The following GM2A variants were observed in gnomAD, a reference collection of about 807,000 sequenced individuals.
GM2A encodes the protein ganglioside GM2 activator, also known as GM2 ganglioside activator.
GM2A carries 7 observed loss-of-function variants against 12.9 expected under a neutral mutation model. The ratio of observed to expected loss-of-function variants is 0.54; its 90% confidence interval spans 0.31 to 1.02. The LOEUF is 1.02. GM2A is among the 50% of genes least tolerant of loss of function. GM2A has a pLI of 0.05. For missense variants in GM2A, 246 were observed against 241.0 expected, an observed-to-expected ratio of 1.02 and a Z score of -0.14; for synonymous variants, 101 against 96.0, an observed-to-expected ratio of 1.05 and a Z score of -0.30.
At position 151,268,763 on chromosome 5, in the gene GM2A, G is replaced by A. The variant is rs541345989; in HGVS notation, c.*1312G>A. On this transcript the variant is annotated 3_prime_UTR_variant, in exon 4 of 4. Transcript: ENST00000357164. ...GAAATCTTACCATTTTAAAAGATTG[G>A]CAGCTAATTATTTTTTTAAAAAGCT... is the stretch of plus-strand genomic sequence containing the variant. 26 of 662,954 alleles carry A rather than the reference G, an allele frequency of 3.9e-5. No individual in the cohort carries two copies. Among genetic ancestry groups the A allele is most frequent in the Admixed American group, 6.3e-5 (1 of 15,856 alleles). 41.1% of individuals were successfully genotyped at this position (662,954 alleles called of 1,614,324 possible).
rs748208365 is a variant in GM2A at position 151,268,030 on chromosome 5, C to A, written c.*579C>A. On this transcript the variant is annotated 3_prime_UTR_variant, in exon 4 of 4. Transcript: ENST00000357164. ...GAGGTAGGGTGTGTGGGGGAGGAAT[C>A]CCTTGGGGGAGATATTAGGAGTGCT... 3.8e-6 allele frequency: 4 copies of A among 1,040,848 alleles called. No homozygotes were observed. Among genetic ancestry groups the A allele is most frequent in the Middle Eastern group, 4.7e-4 (1 of 2,114 alleles). 64.5% of individuals were successfully genotyped at this position (1,040,848 alleles called of 1,614,324 possible).
At position 151,268,681 on chromosome 5, in the gene GM2A, C is replaced by CA. The variant is rs397883774; in HGVS notation, c.*1239dup. ...CTGGTGACAGAGTGAGACTCTGTCT[C>CA]AAAAAAAAAGTTTCAATGTTTACTC... On this transcript the variant is annotated 3_prime_UTR_variant, in exon 4 of 4. Transcript: ENST00000357164. 0.31 allele frequency: 166,125 copies of CA among 529,060 alleles called. 25,571 individuals carry two copies. Among genetic ancestry groups the CA allele is most frequent in the African/African-American group, 0.48 (23,003 of 47,604 alleles). The allele number at this position is 529,060 out of a possible 1,614,324, so 32.8% of individuals were successfully genotyped here. A position where few individuals can be genotyped will look rare whatever the true frequency, so the allele number is the denominator to read the frequency against.
chr5:151,268,780 T>A lies in GM2A; in HGVS notation c.*1329T>A, dbSNP rs962740601. ...AAAGATTGGCAGCTAATTATTTTTT[T>A]AAAAAGCTGTGCAGTGTGATGTGTC... On this transcript the variant is annotated 3_prime_UTR_variant, in exon 4 of 4. Transcript: ENST00000357164. The A allele has an allele frequency of 6.7e-6, 5 of 740,802 alleles. No individual in the cohort carries two copies. The highest frequency in any genetic ancestry group is 4.9e-6 in the Non-Finnish European group (3 of 606,950). 45.9% of individuals were successfully genotyped at this position (740,802 alleles called of 1,614,324 possible). A position where few individuals can be genotyped will look rare whatever the true frequency, so the allele number is the denominator to read the frequency against.
intron 1 of GM2A, 85 bp from the exon 2 acceptor site, chr5:151,259,670 G>C: frequency 1.5e-6 from 2 of 1,318,140 alleles, no homozygotes; most frequent in Non-Finnish European, 2.2e-6. Flanking sequence ...CACTCTGCCA[G>C]GAGCTCATTT....
In GM2A at chr5:151,270,290, T is replaced by C. The variant is rs769315888; in HGVS notation, c.*2839T>C. 38 of 412,478 alleles carry C rather than the reference T, an allele frequency of 9.2e-5. No individual in the cohort carries two copies. The highest frequency in any genetic ancestry group is 1.5e-4 in the Non-Finnish European group (36 of 238,918). The allele number at this position is 412,478 out of a possible 1,614,324, so 25.6% of individuals were successfully genotyped here. A position where few individuals can be genotyped will look rare whatever the true frequency, so the allele number is the denominator to read the frequency against. On this transcript the variant is annotated 3_prime_UTR_variant, in exon 4 of 4. Transcript: ENST00000357164. ...ATCCAAATGTAAGAAAATGAAGCCA[T>C]ATAAATACAGAAGGAAACGTGGTGG... is the stretch of plus-strand genomic sequence containing the variant.
Position 151,268,178 on chromosome 5 carries a change from A to G in GM2A, c.*727A>G. On this transcript the variant is annotated 3_prime_UTR_variant, in exon 4 of 4. Transcript: ENST00000357164. Reference sequence around the variant, plus strand: ...ATTTTTCGCTTTTTTTTTTTTTGAGACAGAATCTCACTTTGTCACCAGGCT... The same window carrying G: ...ATTTTTCGCTTTTTTTTTTTTTGAGGCAGAATCTCACTTTGTCACCAGGCT... 1 of 813,552 alleles carries G rather than the reference A, an allele frequency of 1.2e-6. No homozygotes were observed. The highest frequency in any genetic ancestry group is 1.5e-6 in the Non-Finnish European group (1 of 682,316). The allele number at this position is 813,552 out of a possible 1,614,324, so 50.4% of individuals were successfully genotyped here. A position where few individuals can be genotyped will look rare whatever the true frequency, so the allele number is the denominator to read the frequency against.
chr5:151,266,938 G>T, intron 3 of GM2A, 25 bp downstream of exon 3: 2 of 1,568,764 alleles, frequency 1.3e-6, no homozygotes. Context: ...AGGAGAGAGC[G>T]TTACCCCTGT....
intron 2 of GM2A, among the ~76,000 whole-genome samples, chr5:151,260,715 T>G (rs963163127): frequency 6.6e-6 from 1 of 152,204 alleles, no homozygotes; most frequent in Non-Finnish European, 1.5e-5. Context: ...CTTTGCAACT[T>G]TCCCCCATAC....
chr5:151,268,669 G>T lies in GM2A; in HGVS notation c.*1218G>T. On this transcript the variant is annotated 3_prime_UTR_variant, in exon 4 of 4. Transcript: ENST00000357164. ...CAATACTCCAGCCTGGTGACAGAGT[G>T]AGACTCTGTCTCAAAAAAAAAGTTT... The T allele has an allele frequency of 4.8e-6, 3 of 620,172 alleles. No individual in the cohort carries two copies. The highest frequency in any genetic ancestry group is 6.0e-6 in the Non-Finnish European group (3 of 503,624). 38.4% of individuals were successfully genotyped at this position (620,172 alleles called of 1,614,324 possible). A position where few individuals can be genotyped will look rare whatever the true frequency, so the allele number is the denominator to read the frequency against.
At position 151,266,607 on chromosome 5, in the gene GM2A, C is replaced by T. The variant is rs187841338; in HGVS notation, c.244-124C>T. ...GAACAGACTATCTCTAAGATCTCAT[C>T]CAGTTAAAAATTCTATGATTAAAAT... is the stretch of plus-strand genomic sequence containing the variant. On this transcript the variant is annotated intron_variant, in intron 2 of 3. Coordinates refer to ENST00000357164, the MANE Select transcript of GM2A (RefSeq NM_000405.5). The T allele has an allele frequency of 6.3e-4, 466 of 735,474 alleles. 1 individual carries two copies. Among genetic ancestry groups the T allele is most frequent in the Non-Finnish European group, 9.3e-4 (391 of 420,676 alleles). 45.6% of individuals were successfully genotyped at this position (735,474 alleles called of 1,614,324 possible).
chr5:151,262,063 T>A (rs1229989325), intron 2 of GM2A, among the ~76,000 whole-genome samples: 1 of 152,276 alleles, frequency 6.6e-6, no homozygotes, highest in Non-Finnish European at 1.5e-5. Context: ...TGAGCGTAGA[T>A]GTCTATTCAT....
At chr5:151,266,584 A>G in intron 2 of GM2A, 147 bp from the exon 3 acceptor site, 1 of 685,546 alleles carries the variant, frequency 1.5e-6, no homozygotes, top group Non-Finnish European at 2.6e-6. Flanking sequence ...CATTCCTAGA[A>G]CAGACTATCT....
chr5:151,269,280 C>T lies in GM2A; in HGVS notation c.*1829C>T, dbSNP rs3806952. The T allele has an allele frequency of 2.6e-3, 2,557 of 985,504 alleles. 101 individuals carry two copies. The East Asian group carries it at 0.095, about 37-fold the overall frequency. 61.0% of individuals were successfully genotyped at this position (985,504 alleles called of 1,614,324 possible). A position where few individuals can be genotyped will look rare whatever the true frequency, so the allele number is the denominator to read the frequency against. Reference sequence around the variant, plus strand: ...CCTTGGCTGCATATTTCACTGATCACATCTCAGGATTTCAAAAGCATTTTT... The same window carrying T: ...CCTTGGCTGCATATTTCACTGATCATATCTCAGGATTTCAAAAGCATTTTT... On this transcript the variant is annotated 3_prime_UTR_variant, in exon 4 of 4. Transcript: ENST00000357164.
rs201633382 is a variant in GM2A at position 151,259,903 on chromosome 5, G to A, written c.230G>A (p.Ser77Asn). The change falls in exon 2 of 4, where the codon AGT (serine) becomes AAT (asparagine). Residue 77 changes from serine (S) to asparagine (N), a missense_variant. Coordinates refer to ENST00000357164, the MANE Select transcript of GM2A (RefSeq NM_000405.5). ...SVMGSTSVPLSSPLKVDLVLE... is the reference protein window; with the variant it reads ...SVMGSTSVPLNSPLKVDLVLE... ...ATGGGCAGCACCAGTGTCCCCCTGA[G>A]TTCTCCTCTGAAGGTGAGCCTGGGG... 6.2e-7 allele frequency: 1 copy of A among 1,613,618 alleles called. No homozygotes were observed. The highest frequency in any genetic ancestry group is 8.5e-7 in the Non-Finnish European group (1 of 1,179,698).
intron 2 of GM2A, among the ~76,000 whole-genome samples, chr5:151,260,630 TAAATA>T (rs1299187963): frequency 1.3e-5 from 2 of 152,042 alleles, no homozygotes. Flanking sequence ...AATAAATAAA[TAAATA>T]AAATAAATCA....
chr5:151,262,596 G>A (rs1177016737), intron 2 of GM2A, among the ~76,000 whole-genome samples: 1 of 152,184 alleles, frequency 6.6e-6, no homozygotes, highest in Non-Finnish European at 1.5e-5. Context: ...CTCCTACCAA[G>A]CCTTTTCCTA....
At chr5:151,255,575 G>A (rs1753669857) in intron 1 of GM2A, among the ~76,000 whole-genome samples, 1 of 152,126 alleles carries the variant, frequency 6.6e-6, no homozygotes, top group Non-Finnish European at 1.5e-5. Context: ...TGGGTGTGAT[G>A]GTGCCAACGT....
chr5:151,269,038 G>A lies in GM2A; in HGVS notation c.*1587G>A. 2.0e-6 allele frequency: 2 copies of A among 985,452 alleles called. No homozygotes were observed. Among genetic ancestry groups the A allele is most frequent in the Non-Finnish European group, 2.4e-6 (2 of 829,954 alleles). The allele number at this position is 985,452 out of a possible 1,614,324, so 61.0% of individuals were successfully genotyped here. A position where few individuals can be genotyped will look rare whatever the true frequency, so the allele number is the denominator to read the frequency against. On this transcript the variant is annotated 3_prime_UTR_variant, in exon 4 of 4. Coordinates refer to ENST00000357164, the MANE Select transcript of GM2A (RefSeq NM_000405.5). ...CTGCCTCAGTCTTGGAGTCCTGTTG[G>A]GTGAATGAGGCAGATGGGAAAGAGC...
Position 151,268,668 on chromosome 5 carries a change from T to G in GM2A, c.*1217T>G. 1 of 638,406 alleles carries G rather than the reference T, an allele frequency of 1.6e-6. No homozygotes were observed. Among genetic ancestry groups the G allele is most frequent in the Non-Finnish European group, 1.9e-6 (1 of 519,734 alleles). 39.5% of individuals were successfully genotyped at this position (638,406 alleles called of 1,614,324 possible). A position where few individuals can be genotyped will look rare whatever the true frequency, so the allele number is the denominator to read the frequency against. On this transcript the variant is annotated 3_prime_UTR_variant, in exon 4 of 4. Coordinates refer to ENST00000357164, the MANE Select transcript of GM2A (RefSeq NM_000405.5). ...GCAATACTCCAGCCTGGTGACAGAG[T>G]GAGACTCTGTCTCAAAAAAAAAGTT... is the stretch of plus-strand genomic sequence containing the variant.
Sources: allele counts gnomAD v4.1 joint callset (sites outside exome capture counted in the v4.1 genomes callset), GRCh38; gene constraint gnomAD v4.1.1; transcripts MANE v1.5; gene names NCBI Gene and HGNC (gene_info 2026-07-23, HGNC 2026-07-21).